Variants in UBE2D3 observed in about 807,000 individuals in gnomAD.
UBE2D3 encodes the protein ubiquitin conjugating enzyme E2 D3, also known as ubiquitin-conjugating enzyme E2 D3.
In UBE2D3, 2 loss-of-function variants were observed where a neutral mutation model predicts 22.8. The observed-to-expected ratio is 0.09, with a 90% CI of 0.04 to 0.28. The LOEUF is 0.28. Ranked by LOEUF, UBE2D3 falls within the 10% of genes least tolerant of loss-of-function variation. UBE2D3 has a pLI of 1.00. For synonymous variants in UBE2D3, 56 were observed against 60.4 expected, an observed-to-expected ratio of 0.93 and a Z score of 0.34; for missense variants, 27 against 182.5, an observed-to-expected ratio of 0.15 and a Z score of 4.91.
At chr4:102,864,813 TG>T (rs559619052) in intron 1 of UBE2D3, among the ~76,000 whole-genome samples, 11 of 152,206 alleles carry the variant, frequency 7.2e-5, no homozygotes, top group Non-Finnish European at 1.6e-4. Flanking sequence ...TATGACAGTA[TG>T]GTATTGTTAT....
rs916801642 is a variant in UBE2D3 at position 102,794,386 on chromosome 4, C to T, written c.*3029G>A. 1 of 152,096 alleles carries T rather than the reference C, an allele frequency of 6.6e-6. No individual in the cohort carries two copies. Among genetic ancestry groups the T allele is most frequent in the Non-Finnish European group, 1.5e-5 (1 of 67,962 alleles). 9.4% of individuals were successfully genotyped at this position (152,096 alleles called of 1,614,324 possible). On this transcript the variant is annotated 3_prime_UTR_variant, in exon 8 of 8. Coordinates refer to ENST00000453744, the MANE Select transcript of UBE2D3 (RefSeq NM_181891.3). ...GAATTACCGAGTAAGACCAAAGTGT[C>T]TTTAAACACAGACTTTAATGGTAAC... is the stretch of plus-strand genomic sequence containing the variant.
intron 6 of UBE2D3, among the ~76,000 whole-genome samples, chr4:102,799,995 C>A (rs1162602259): frequency 6.6e-6 from 1 of 151,892 alleles, no homozygotes; most frequent in East Asian, 1.9e-4. Flanking sequence ...AAGCAAGAAA[C>A]CATATTCCCA....
At chr4:102,852,184 T>A (rs1732393348) in intron 1 of UBE2D3, among the ~76,000 whole-genome samples, 1 of 152,222 alleles carries the variant, frequency 6.6e-6, no homozygotes, top group Non-Finnish European at 1.5e-5. Flanking sequence ...ACTACCACCT[T>A]AGGCCATGAA....
chr4:102,811,918 T>C, intron 2 of UBE2D3: 1 of 251,196 alleles, frequency 4.0e-6, no homozygotes, highest in Non-Finnish European at 8.0e-6. Flanking sequence ...AATGCATCCG[T>C]GTATAACTAA....
At chr4:102,848,374 G>A (rs1732154689) in intron 1 of UBE2D3, among the ~76,000 whole-genome samples, 1 of 152,148 alleles carries the variant, frequency 6.6e-6, no homozygotes, top group Non-Finnish European at 1.5e-5. Context: ...GCCGGGCATG[G>A]TGGCTCACAC....
At chr4:102,801,776 T>C (rs1231393306) in intron 5 of UBE2D3, 10 of 403,070 alleles carry the variant, frequency 2.5e-5, no homozygotes, top group Non-Finnish European at 4.5e-5. Flanking sequence ...ATTACTCATA[T>C]GATGTAAAGT....
At chr4:102,813,943 A>G (rs1166732772) in intron 2 of UBE2D3, among the ~76,000 whole-genome samples, 1 of 152,248 alleles carries the variant, frequency 6.6e-6, no homozygotes, top group African/African-American at 2.4e-5. Context: ...TTGTCCTGAT[A>G]TGCTGTGCCA....
chr4:102,828,152 G>A (rs1027159913), upstream of UBE2D3: 35 of 985,386 alleles, frequency 3.6e-5, no homozygotes, highest in African/African-American at 5.2e-4. Flanking sequence ...GCTTATGCCG[G>A]TGGTTGGTAG....
At chr4:102,825,811 C>A in intron 2 of UBE2D3, 5 of 456,090 alleles carry the variant, frequency 1.1e-5, no homozygotes, top group South Asian at 7.8e-5. Context: ...CCTTTTACAT[C>A]AGTTCCCGGT....
At chr4:102,842,554 A>G (rs1374329498) in intron 1 of UBE2D3, among the ~76,000 whole-genome samples, 1 of 151,920 alleles carries the variant, frequency 6.6e-6, no homozygotes, top group Non-Finnish European at 1.5e-5. Flanking sequence ...CCTGTCTTAA[A>G]AAAAAAAAAA....
chr4:102,844,829 G>C (rs1184854247), intron 1 of UBE2D3, among the ~76,000 whole-genome samples: 1 of 151,952 alleles, frequency 6.6e-6, no homozygotes, highest in African/African-American at 2.4e-5. Context: ...GACCATCCTG[G>C]ATAACATGGT....
In UBE2D3 at chr4:102,818,056, A is replaced by G. The variant is rs557552589; in HGVS notation, c.25-8201T>C. Among the ~76,000 whole-genome samples, 29 of 152,200 alleles carry G rather than the reference A, an allele frequency of 1.9e-4. No individual in the cohort carries two copies. The South Asian group carries it at 5.8e-3, about 31-fold the overall frequency. The stretch of plus-strand genomic sequence containing the variant: ...ACAGCTCTCACACGGCACCTGTAAA[A>G]TTTTTTTATACTGTGCTGACTACCC... On this transcript the variant is annotated intron_variant, in intron 2 of 7. Coordinates refer to ENST00000453744, the MANE Select transcript of UBE2D3 (RefSeq NM_181891.3).
chr4:102,864,892 A>C (rs148580424), intron 1 of UBE2D3, among the ~76,000 whole-genome samples: 9 of 152,352 alleles, frequency 5.9e-5, no homozygotes, highest in Non-Finnish European at 1.2e-4. Flanking sequence ...CTGATTTGAG[A>C]TAAGTGACAT....
chr4:102,867,952 A>C (rs1386221472), intron 1 of UBE2D3, among the ~76,000 whole-genome samples: 1 of 151,984 alleles, frequency 6.6e-6, no homozygotes, highest in Non-Finnish European at 1.5e-5. Context: ...TAGTGTATTT[A>C]TGTGTGGCCC....
chr4:102,868,364 G>A (rs1455672160), intron 1 of UBE2D3, among the ~76,000 whole-genome samples: 1 of 151,976 alleles, frequency 6.6e-6, no homozygotes, highest in Non-Finnish European at 1.5e-5. Flanking sequence ...CACCGCGCCC[G>A]GCCAGCTTTG....
chr4:102,803,375 C>CT (rs1484697199), intron 4 of UBE2D3, among the ~76,000 whole-genome samples: 14 of 152,176 alleles, frequency 9.2e-5, no homozygotes, highest in African/African-American at 3.1e-4. Context: ...TTACAACTTA[C>CT]ATGAACTGGG....
chr4:102,819,069 G>C (rs773205839), intron 2 of UBE2D3, among the ~76,000 whole-genome samples: 1 of 152,132 alleles, frequency 6.6e-6, no homozygotes, highest in South Asian at 2.1e-4. Flanking sequence ...GGTGGCTCAC[G>C]CTTGTAATCC....
chr4:102,825,407 T>G, intron 2 of UBE2D3: 1 of 1,042,080 alleles, frequency 9.6e-7, no homozygotes, highest in Non-Finnish European at 1.2e-6. Flanking sequence ...AGGTAAGTTT[T>G]GAGCAGAGGA....
intron 1 of UBE2D3, among the ~76,000 whole-genome samples, chr4:102,854,528 G>A (rs144528516): frequency 6.6e-6 from 1 of 152,238 alleles, no homozygotes; most frequent in East Asian, 1.9e-4. Flanking sequence ...TCTTTTTGGA[G>A]AATTTACCTC....
Sources: gnomAD v4.1 joint callset for allele counts (sites outside exome capture counted in the v4.1 genomes callset) on GRCh38, gnomAD v4.1.1 for gene constraint, MANE v1.5 for transcripts, NCBI Gene and HGNC (gene_info 2026-07-23, HGNC 2026-07-21) for gene names.